The following ANTXR1 variants were observed in gnomAD, a reference collection of about 807,000 sequenced individuals.
ANTXR1 encodes ANTXR cell adhesion molecule 1.
A neutral mutation model predicts 78.1 loss-of-function variants in ANTXR1; 19 were observed. The observed-to-expected ratio is 0.24, with a 90% CI of 0.17 to 0.36. ANTXR1 has a LOEUF of 0.36. Ranked by LOEUF, ANTXR1 falls within the 10% of genes least tolerant of loss-of-function variation. The pLI is 1.00. For synonymous variants in ANTXR1, 273 were observed against 260.5 expected (o/e 1.05, Z -0.46); for missense variants, 518 against 718.6 (o/e 0.72, Z 3.19).
At chr2:69,049,168 G>A (rs749562765) in intron 3 of ANTXR1, among the ~76,000 whole-genome samples, 7 of 151,966 alleles carry the variant, frequency 4.6e-5, no homozygotes, top group Non-Finnish European at 8.8e-5. Context: ...TTACAAAAAC[G>A]TGCATGTCAG....
chr2:69,192,217 G>A (rs934367355), intron 16 of ANTXR1, among the ~76,000 whole-genome samples: 1 of 152,128 alleles, frequency 6.6e-6, no homozygotes, highest in Non-Finnish European at 1.5e-5. Flanking sequence ...TAATCAACAC[G>A]AATCTATTAT....
intron 17 of ANTXR1, among the ~76,000 whole-genome samples, chr2:69,233,630 G>C (rs1675681648): frequency 6.6e-6 from 1 of 151,642 alleles, no homozygotes. Flanking sequence ...TTTGATATTT[G>C]CTTAAATTTT....
chr2:69,084,392 GGGTGCCCTCCCTCAGA>G (rs1670986071), intron 8 of ANTXR1, among the ~76,000 whole-genome samples: 1 of 152,030 alleles, frequency 6.6e-6, no homozygotes, highest in Non-Finnish European at 1.5e-5. Context: ...TAAGTGAGTG[GGGTGCCCTCCCTCAGA>G]CAAAAACTTT....
rs753396370 is a variant in ANTXR1, at chr2:69,073,035, C to T, written c.426C>T (p.Ala142=). 1 of 1,614,036 alleles carries T rather than the reference C, an allele frequency of 6.2e-7. No homozygotes were observed. The highest frequency in any genetic ancestry group is 8.5e-7 in the Non-Finnish European group (1 of 1,179,910). The change falls in exon 6 of 18, where the codon GCC becomes GCT. Residue 142 remains alanine, a synonymous_variant. Transcript: ENST00000303714. ...YYENRQGYRT[A]SVIIALTDGE... ...TGTGTTAAACAGGGTACAGGACAGCCAGCGTCATCATTGCTTTGACTGATG... is the reference window on the plus strand; with the variant it reads ...TGTGTTAAACAGGGTACAGGACAGCTAGCGTCATCATTGCTTTGACTGATG...
At chr2:69,205,576 G>T (rs1674876055) in intron 17 of ANTXR1, among the ~76,000 whole-genome samples, 1 of 149,240 alleles carries the variant, frequency 6.7e-6, no homozygotes, top group Non-Finnish European at 1.5e-5. Flanking sequence ...AGCAATTTGA[G>T]GGAATGAACC....
intron 16 of ANTXR1, among the ~76,000 whole-genome samples, chr2:69,188,933 A>G (rs1453139402): frequency 6.6e-6 from 1 of 152,248 alleles, no homozygotes; most frequent in African/African-American, 2.4e-5. Flanking sequence ...TTCTGCCTAC[A>G]TTCAGAAAAA....
chr2:69,145,555 G>C (rs941738849), intron 12 of ANTXR1: 2 of 1,407,142 alleles, frequency 1.4e-6, no homozygotes, highest in African/African-American at 2.9e-5. Flanking sequence ...GACAGGAAAC[G>C]TTCCCTCCTT....
intron 8 of ANTXR1, among the ~76,000 whole-genome samples, chr2:69,089,945 A>C (rs1205551034): frequency 1.1e-4 from 17 of 152,178 alleles, no homozygotes; most frequent in Admixed American, 1.1e-3. Context: ...GGTGGAGAGA[A>C]ACTTAGGTGC....
chr2:69,044,655 A>G, intron 2 of ANTXR1, 87 bp from the exon 3 acceptor site: 2 of 1,420,398 alleles, frequency 1.4e-6, no homozygotes, highest in South Asian at 2.3e-5. Context: ...CAGCCGTGAT[A>G]GAAAGGGAAG....
chr2:69,124,127 G>T (rs1672449567), intron 11 of ANTXR1, among the ~76,000 whole-genome samples: 1 of 152,164 alleles, frequency 6.6e-6, no homozygotes, highest in Non-Finnish European at 1.5e-5. Flanking sequence ...TGGTAACAAA[G>T]CCACCCCCAT....
intron 3 of ANTXR1, among the ~76,000 whole-genome samples, chr2:69,069,557 A>G (rs1573837011): frequency 2.0e-5 from 3 of 152,182 alleles, no homozygotes; most frequent in South Asian, 4.1e-4. Flanking sequence ...GCATTGTTCC[A>G]TGCTAGAGGC....
Position 69,013,534 on chromosome 2 carries a change from G to T in ANTXR1, c.35G>T (p.Gly12Val), listed in dbSNP as rs778984615. 1 of 1,584,384 alleles carries T rather than the reference G, an allele frequency of 6.3e-7. No individual in the cohort carries two copies. The highest frequency in any genetic ancestry group is 1.2e-5 in the South Asian group (1 of 86,206). The change falls in exon 1 of 18, where the codon GGC (glycine) becomes GTC (valine). Residue 12 changes from glycine to valine, a missense_variant. Physicochemically the swap from Gly to Val is moderately radical, Grantham distance 109. Around this residue, in one of 5 missense-constraint regions of ANTXR1, gnomAD observed 55 missense variants for 52.5 expected, o/e 1.05. Coordinates refer to ENST00000303714, the MANE Select transcript of ANTXR1 (RefSeq NM_032208.3). This position sits in a 1 kb window ranked among gnomAD's most constrained non-coding sequence, Gnocchi z 5.0. ...ATAERRALGI[G>V]FQWLSLATLV... ...GCGGAGCGGAGAGCCCTCGGCATCG[G>T]CTTCCAGTGGCTCTCTTTGGCCACT... is the stretch of plus-strand genomic sequence containing the variant.
intron 17 of ANTXR1, among the ~76,000 whole-genome samples, chr2:69,197,024 T>A (rs984566726): frequency 6.6e-6 from 1 of 152,078 alleles, no homozygotes; most frequent in Non-Finnish European, 1.5e-5. Context: ...ACCCACCTCC[T>A]CAGAACCATC....
At chr2:69,196,965 G>A (rs1373192570) in intron 17 of ANTXR1, among the ~76,000 whole-genome samples, 2 of 152,142 alleles carry the variant, frequency 1.3e-5, no homozygotes, top group African/African-American at 4.8e-5. Flanking sequence ...CACAGAGCAG[G>A]GGCTCAGGGA....
chr2:69,035,697 A>C (rs999421797), intron 1 of ANTXR1, among the ~76,000 whole-genome samples: 1 of 152,224 alleles, frequency 6.6e-6, no homozygotes, highest in African/African-American at 2.4e-5. Flanking sequence ...TACATACATG[A>C]AGTGACAAAC....
At chr2:69,140,197 C>T (rs1348873551) in intron 12 of ANTXR1, among the ~76,000 whole-genome samples, 1 of 152,206 alleles carries the variant, frequency 6.6e-6, no homozygotes, top group Admixed American at 6.5e-5. Flanking sequence ...AGCCTCAAAG[C>T]TTGAGTTTGT....
chr2:69,179,130 T>C (rs943806322), intron 14 of ANTXR1, among the ~76,000 whole-genome samples: 3 of 152,226 alleles, frequency 2.0e-5, no homozygotes, highest in East Asian at 1.9e-4. Flanking sequence ...ATAGGACATA[T>C]AAGATTCCTG....
intron 17 of ANTXR1, among the ~76,000 whole-genome samples, chr2:69,195,905 A>G (rs552072184): frequency 1.2e-4 from 18 of 152,206 alleles, no homozygotes; most frequent in Admixed American, 9.2e-4. Flanking sequence ...TTAACATTCC[A>G]TTTTCCACTG....
intron 1 of ANTXR1, among the ~76,000 whole-genome samples, chr2:69,034,926 C>T (rs1342347419): frequency 6.6e-6 from 1 of 152,152 alleles, no homozygotes; most frequent in Non-Finnish European, 1.5e-5. Context: ...CCATTTCCCC[C>T]AGCCAACACC....
Sources: allele counts gnomAD v4.1 joint callset (sites outside exome capture counted in the v4.1 genomes callset), GRCh38; gene constraint gnomAD v4.1.1; regional missense constraint gnomAD v4.1.1; non-coding constraint Gnocchi (gnomAD v3.1); transcripts MANE v1.5; gene names NCBI Gene and HGNC (gene_info 2026-07-23, HGNC 2026-07-21).